The following PTPRK variants were observed in gnomAD, a reference collection of about 807,000 sequenced individuals.
PTPRK encodes protein tyrosine phosphatase receptor type K, also known as receptor-type tyrosine-protein phosphatase kappa.
In PTPRK, 75 loss-of-function variants were observed where a neutral mutation model predicts 178.0. The observed-to-expected ratio is 0.42, with a 90% CI of 0.35 to 0.51. The LOEUF is 0.51. Ranked by LOEUF, PTPRK falls within the 20% of genes least tolerant of loss-of-function variation. The pLI, the probability that PTPRK is intolerant of heterozygous loss-of-function variation, is 0.02. For synonymous variants in PTPRK, 637 were observed against 620.6 expected, an observed-to-expected ratio of 1.03 and a Z score of -0.39; for missense variants, 1,441 against 1,797.8, an observed-to-expected ratio of 0.80 and a Z score of 3.59.
At chr6:128,316,839 C>A in intron 3 of PTPRK, among the ~76,000 whole-genome samples, 1 of 151,826 alleles carries the variant, frequency 6.6e-6, no homozygotes. Flanking sequence ...GCCTCAGCCT[C>A]CTGAGTAGCT....
intron 13 of PTPRK, among the ~76,000 whole-genome samples, chr6:128,017,751 AAT>A (rs969518782): frequency 2.9e-5 from 1 of 34,500 alleles, no homozygotes; most frequent in Non-Finnish European, 4.9e-5. Context: ...TATATAAATA[AAT>A]ATATATACAT....
chr6:128,053,355 T>G (rs1464897855), intron 13 of PTPRK, among the ~76,000 whole-genome samples: 1 of 152,068 alleles, frequency 6.6e-6, no homozygotes, highest in Non-Finnish European at 1.5e-5. Flanking sequence ...GCCTGGAAGT[T>G]CACACACCTA....
chr6:128,442,822 C>T (rs1846454215), intron 1 of PTPRK, among the ~76,000 whole-genome samples: 1 of 152,178 alleles, frequency 6.6e-6, no homozygotes, highest in African/African-American at 2.4e-5. Flanking sequence ...CGATGGACCC[C>T]TGCATCTTCA....
chr6:128,122,709 TGAA>T (rs1283849412), intron 7 of PTPRK, among the ~76,000 whole-genome samples: 1 of 152,152 alleles, frequency 6.6e-6, no homozygotes, highest in Non-Finnish European at 1.5e-5. Context: ...CACCTACAAA[TGAA>T]GGATAACCGC....
At chr6:128,318,543 G>C (rs961279355) in intron 3 of PTPRK, among the ~76,000 whole-genome samples, 5 of 151,984 alleles carry the variant, frequency 3.3e-5, no homozygotes, top group African/African-American at 1.2e-4. Context: ...TCCAATTTCT[G>C]GACAAACCCC....
chr6:128,379,778 T>C (rs1211652983), intron 2 of PTPRK, among the ~76,000 whole-genome samples: 3 of 152,192 alleles, frequency 2.0e-5, no homozygotes, highest in South Asian at 4.1e-4. Flanking sequence ...TAACACTAGT[T>C]GGCTAGACAG....
intron 27 of PTPRK, among the ~76,000 whole-genome samples, chr6:127,974,532 A>T (rs1156854807): frequency 6.6e-6 from 1 of 152,174 alleles, no homozygotes; most frequent in African/African-American, 2.4e-5. Context: ...CTTAGCACTG[A>T]AGGCTGTGTG....
intron 2 of PTPRK, among the ~76,000 whole-genome samples, chr6:128,344,505 T>C (rs1007087793): frequency 4.3e-4 from 65 of 152,068 alleles, no homozygotes; most frequent in African/African-American, 1.5e-3. Flanking sequence ...TTCAGTCTTT[T>C]ATCCACCCCC....
intron 5 of PTPRK, 52 bp from the exon 6 acceptor site, chr6:128,219,148 C>A (rs772461834): frequency 6.8e-7 from 1 of 1,478,788 alleles, no homozygotes; most frequent in Non-Finnish European, 9.3e-7. Flanking sequence ...TTTCATAAAT[C>A]TATAAAGCAT....
intron 3 of PTPRK, among the ~76,000 whole-genome samples, chr6:128,269,713 T>G (rs1162496696): frequency 1.3e-5 from 2 of 152,100 alleles, no homozygotes; most frequent in East Asian, 3.9e-4. Context: ...AGAAGGTTAC[T>G]GGATATGAAA....
At chr6:128,159,977 A>C (rs1031369767) in intron 7 of PTPRK, among the ~76,000 whole-genome samples, 1 of 151,770 alleles carries the variant, frequency 6.6e-6, no homozygotes, top group African/African-American at 2.4e-5. Context: ...CTTTAGTAGC[A>C]CAAATTACAT....
At chr6:128,303,885 A>T (rs1175921825) in intron 3 of PTPRK, among the ~76,000 whole-genome samples, 1 of 152,224 alleles carries the variant, frequency 6.6e-6, no homozygotes, top group East Asian at 1.9e-4. Context: ...CACTCATTTA[A>T]CAATTATTTG....
intron 1 of PTPRK, among the ~76,000 whole-genome samples, chr6:128,430,820 C>G (rs1275134440): frequency 1.3e-5 from 2 of 152,128 alleles, no homozygotes; most frequent in Admixed American, 6.5e-5. Flanking sequence ...CACCACACAC[C>G]CCCGGGGAGA....
chr6:128,343,326 C>T (rs1013027507), intron 2 of PTPRK, among the ~76,000 whole-genome samples: 2 of 151,480 alleles, frequency 1.3e-5, no homozygotes, highest in Non-Finnish European at 1.5e-5. Context: ...ATGGTGAGAC[C>T]CTGTTTCTAC....
chr6:128,421,840 G>A (rs922476258), intron 1 of PTPRK, among the ~76,000 whole-genome samples: 1 of 152,210 alleles, frequency 6.6e-6, no homozygotes, highest in Non-Finnish European at 1.5e-5. Context: ...TCCTTCTGGT[G>A]TAAAAAGCAT....
chr6:128,171,631 A>C (rs1800270108), intron 7 of PTPRK, among the ~76,000 whole-genome samples: 1 of 152,044 alleles, frequency 6.6e-6, no homozygotes, highest in African/African-American at 2.4e-5. Flanking sequence ...GTTTGTAATA[A>C]GGGAGCAGCT....
chr6:128,037,814 T>C (rs1252947728), intron 13 of PTPRK, among the ~76,000 whole-genome samples: 1 of 152,196 alleles, frequency 6.6e-6, no homozygotes, highest in Non-Finnish European at 1.5e-5. Context: ...TAATCCTGAG[T>C]TGAGCAATGT....
intron 6 of PTPRK, among the ~76,000 whole-genome samples, chr6:128,191,903 T>G (rs1431387929): frequency 1.3e-5 from 2 of 152,022 alleles, no homozygotes; most frequent in Non-Finnish European, 2.9e-5. Flanking sequence ...AGGAGGAGAG[T>G]GCAAGCTCTG....
intron 1 of PTPRK, among the ~76,000 whole-genome samples, chr6:128,444,041 C>T (rs1181779567): frequency 1.3e-5 from 2 of 152,064 alleles, no homozygotes; most frequent in Non-Finnish European, 2.9e-5. Flanking sequence ...TTTGTAGAGA[C>T]AGGGTTTCAC....
Sources: gnomAD v4.1 joint callset for allele counts (sites outside exome capture counted in the v4.1 genomes callset) on GRCh38, gnomAD v4.1.1 for gene constraint, MANE v1.5 for transcripts, NCBI Gene and HGNC (gene_info 2026-07-23, HGNC 2026-07-21) for gene names.